ERBB4: variants seen among roughly 807,000 people sequenced by gnomAD.
ERBB4 encodes erb-b2 receptor tyrosine kinase 4.
In ERBB4, 42 loss-of-function variants were observed where a neutral mutation model predicts 158.0. The observed-to-expected ratio is 0.27, with a 90% CI of 0.21 to 0.34. The LOEUF (loss-of-function observed/expected upper bound fraction) is 0.34. Among genes scored for constraint, ERBB4 ranks in the 10% least tolerant of loss-of-function variants. The pLI is 1.00. For synonymous variants in ERBB4, 583 were observed against 558.7 expected (o/e 1.04, Z -0.61); for missense variants, 1,333 against 1,624.1 (o/e 0.82, Z 3.08).
intron 1 of ERBB4, among the ~76,000 whole-genome samples, chr2:212,263,593 C>T (rs998508069): frequency 5.3e-5 from 8 of 151,966 alleles, no homozygotes; most frequent in Admixed American, 1.3e-4. Context: ...TCCTTCATTT[C>T]TGGAAAAAAT....
intron 1 of ERBB4, among the ~76,000 whole-genome samples, chr2:212,474,906 C>G (rs1179633068): frequency 7.3e-6 from 1 of 137,126 alleles, no homozygotes; most frequent in East Asian, 2.1e-4. Flanking sequence ...CCTAGCAGCT[C>G]AGCCTCCAGA....
chr2:212,498,398 T>C (rs1690700573), intron 1 of ERBB4, among the ~76,000 whole-genome samples: 1 of 152,180 alleles, frequency 6.6e-6, no homozygotes, highest in Non-Finnish European at 1.5e-5. Flanking sequence ...TAAAATCTAT[T>C]AGAATATGCT....
rs539959668 is a variant in ERBB4, at chr2:212,474,822, C to CTTTTTTTTTTTTTT, written c.82+63613_82+63626dup. Among the ~76,000 whole-genome samples, 194 of 94,406 alleles carry CTTTTTTTTTTTTTT rather than the reference C, an allele frequency of 2.1e-3. 22 individuals carry two copies. The highest frequency in any genetic ancestry group is 6.6e-3 in the African/African-American group (109 of 16,424). The allele number at this position is 94,406 out of a possible 152,430, so 61.9% of individuals were successfully genotyped here. ...CACCATTTCCTGACACCCGGCCATTCTTTTTTTTTTTTTTTTTTGTCAAGA... is the reference window on the plus strand; with the variant it reads ...CACCATTTCCTGACACCCGGCCATTCTTTTTTTTTTTTTTTTTTTTTTTTTTTTTTTTGTCAAGA... On this transcript the variant is annotated intron_variant, in intron 1 of 27. Coordinates refer to ENST00000342788, the MANE Select transcript of ERBB4 (RefSeq NM_005235.3).
intron 13 of ERBB4, among the ~76,000 whole-genome samples, chr2:211,678,281 AG>A (rs2072170165): frequency 7.1e-6 from 1 of 140,082 alleles, no homozygotes; most frequent in Admixed American, 7.6e-5. Flanking sequence ...CATAAAAGTG[AG>A]TAGAAAAAAC....
intron 3 of ERBB4, among the ~76,000 whole-genome samples, chr2:211,795,867 T>C (rs1033990681): frequency 1.1e-4 from 17 of 151,872 alleles, no homozygotes; most frequent in African/African-American, 4.1e-4. Flanking sequence ...CTAAACTTTA[T>C]ATACTATTTA....
At chr2:211,725,050 A>G in intron 6 of ERBB4, 26 bp downstream of exon 6, 3 of 1,449,586 alleles carry the variant, frequency 2.1e-6, no homozygotes, top group Non-Finnish European at 2.9e-6. Context: ...GAGCAGGATA[A>G]TAAAAGAGAG....
At chr2:212,448,606 G>A (rs2092399170) in intron 1 of ERBB4, among the ~76,000 whole-genome samples, 1 of 152,058 alleles carries the variant, frequency 6.6e-6, no homozygotes, top group African/African-American at 2.4e-5. Flanking sequence ...ATGAAAGAAA[G>A]AAGCAGCAGC....
At chr2:211,717,827 C>G (rs2073970125) in intron 7 of ERBB4, among the ~76,000 whole-genome samples, 1 of 151,872 alleles carries the variant, frequency 6.6e-6, no homozygotes, top group South Asian at 2.1e-4. Context: ...ACTCTGTCTC[C>G]AAAAAAATAA....
At chr2:211,407,303 C>G (rs1376647671) in intron 25 of ERBB4, among the ~76,000 whole-genome samples, 1 of 152,118 alleles carries the variant, frequency 6.6e-6, no homozygotes. Context: ...GTAGCCTGGT[C>G]TCTCTAACAC....
chr2:212,286,608 T>TTTTTG (rs2085982336), intron 1 of ERBB4, among the ~76,000 whole-genome samples: 2 of 121,696 alleles, frequency 1.6e-5, no homozygotes, highest in African/African-American at 3.0e-5. Flanking sequence ...TTTTTTTTTT[T>TTTTTG]TTTTTTTTTT....
intron 19 of ERBB4, among the ~76,000 whole-genome samples, chr2:211,600,317 T>C (rs1199782743): frequency 6.6e-6 from 1 of 151,856 alleles, no homozygotes; most frequent in Admixed American, 6.6e-5. Flanking sequence ...CGTAAAAAGA[T>C]ACAAATACAG....
intron 16 of ERBB4, among the ~76,000 whole-genome samples, chr2:211,653,967 C>A (rs1299552868): frequency 6.6e-6 from 1 of 152,296 alleles, no homozygotes; most frequent in South Asian, 2.1e-4. Context: ...AGCCACCGCG[C>A]CCTGCCCAAA....
intron 19 of ERBB4, among the ~76,000 whole-genome samples, chr2:211,564,204 T>A (rs1333001255): frequency 1.3e-5 from 2 of 152,142 alleles, no homozygotes; most frequent in Non-Finnish European, 2.9e-5. Flanking sequence ...AAGCCTAATT[T>A]AATGGGGGGA....
At chr2:212,302,889 G>C (rs1166661604) in intron 1 of ERBB4, among the ~76,000 whole-genome samples, 3 of 151,324 alleles carry the variant, frequency 2.0e-5, no homozygotes, top group Non-Finnish European at 3.0e-5. Context: ...ATAAAAAATT[G>C]TTTATCCCAA....
At chr2:212,279,870 A>C (rs139964328) in intron 1 of ERBB4, among the ~76,000 whole-genome samples, 1,819 of 151,792 alleles carry the variant, frequency 0.012, 26 homozygotes, top group African/African-American at 0.041. Context: ...AGGATACAAA[A>C]AGTTGTTGCA....
intron 1 of ERBB4, among the ~76,000 whole-genome samples, chr2:212,497,601 C>CA (rs1690652351): frequency 6.6e-6 from 1 of 152,198 alleles, no homozygotes; most frequent in Admixed American, 6.5e-5. Flanking sequence ...CCTTTACTTT[C>CA]AATCTCCTTT....
intron 20 of ERBB4, among the ~76,000 whole-genome samples, chr2:211,515,837 TA>T (rs2066007653): frequency 6.7e-6 from 1 of 148,314 alleles, no homozygotes; most frequent in South Asian, 2.1e-4. Context: ...CAAGAAAGTA[TA>T]AGGGTATTTG....
At chr2:211,881,443 G>C (rs1258288967) in intron 3 of ERBB4, among the ~76,000 whole-genome samples, 3 of 152,152 alleles carry the variant, frequency 2.0e-5, no homozygotes, top group Admixed American at 1.3e-4. Context: ...GCTGGCAGCT[G>C]CGCCAATAGA....
At chr2:211,713,758 T>C in intron 7 of ERBB4, 110 bp from the exon 8 acceptor site, 1 of 695,272 alleles carries the variant, frequency 1.4e-6, no homozygotes, top group South Asian at 1.6e-5. Flanking sequence ...ATTGATAGTG[T>C]TTATGTATCT....
Sources: allele counts gnomAD v4.1 joint callset (sites outside exome capture counted in the v4.1 genomes callset), GRCh38; gene constraint gnomAD v4.1.1; transcripts MANE v1.5; gene names NCBI Gene and HGNC (gene_info 2026-07-23, HGNC 2026-07-21).